Variants in GULP1 observed in about 807,000 individuals in gnomAD.
GULP1 encodes the protein PTB domain-containing engulfment adapter protein 1.
GULP1 carries 19 observed loss-of-function variants against 40.9 expected under a neutral mutation model. That is an observed-to-expected ratio of 0.46 (90% CI 0.32 to 0.68). The LOEUF (loss-of-function observed/expected upper bound fraction) is 0.68, where lower values mean the gene tolerates loss of function less well. GULP1 is among the 30% of genes least tolerant of loss of function. The pLI, the probability that GULP1 is intolerant of heterozygous loss-of-function variation, is 0.03. For missense variants in GULP1, 312 were observed against 362.2 expected (o/e 0.86, Z 1.12); for synonymous variants, 119 against 117.6 (o/e 1.01, Z -0.08).
At position 188,317,519 on chromosome 2, in the gene GULP1, CTT is replaced by C. The variant is rs372552265; in HGVS notation, c.-172+25354_-172+25355del. 1.7e-4 allele frequency among the ~76,000 whole-genome samples: 26 copies of C among 152,122 alleles called. No homozygotes were observed. The East Asian group carries it at 2.5e-3, about 15-fold the overall frequency. On this transcript the variant is annotated intron_variant, in intron 1 of 11. Coordinates refer to ENST00000409830, the MANE Select transcript of GULP1 (RefSeq NM_016315.4). ...TTGGAGTAATTACATAGATTTATCT[CTT>C]ATATCTTTACATTGTTTTATTTTTC...
At chr2:188,499,038 T>G (rs2063166481) in intron 4 of GULP1, among the ~76,000 whole-genome samples, 1 of 150,062 alleles carries the variant, frequency 6.7e-6, no homozygotes, top group Admixed American at 6.7e-5. Flanking sequence ...AATCAATGTC[T>G]GAAGTTAGAA....
intron 1 of GULP1, among the ~76,000 whole-genome samples, chr2:188,379,920 T>C (rs1408139887): frequency 6.6e-6 from 1 of 152,202 alleles, no homozygotes; most frequent in Non-Finnish European, 1.5e-5. Flanking sequence ...TGAAGGTTAA[T>C]GAGTCTTATC....
At chr2:188,592,870 AAAACC>A (rs1341298641) in intron 11 of GULP1, 1 of 152,122 alleles carries the variant, frequency 6.6e-6, no homozygotes, top group Admixed American at 6.6e-5. Flanking sequence ...AGCAGAGGTG[AAAACC>A]AATGGTTACC....
At chr2:188,365,436 A>G (rs753533525) in intron 1 of GULP1, among the ~76,000 whole-genome samples, 1 of 152,120 alleles carries the variant, frequency 6.6e-6, no homozygotes, top group Non-Finnish European at 1.5e-5. Flanking sequence ...ACTGGCTAAT[A>G]TTTGCTTATG....
intron 2 of GULP1, among the ~76,000 whole-genome samples, chr2:188,457,977 A>G (rs1009407978): frequency 6.6e-6 from 1 of 152,124 alleles, no homozygotes; most frequent in African/African-American, 2.4e-5. Flanking sequence ...TTTTCTGCCT[A>G]AACAACCCTC....
intron 4 of GULP1, among the ~76,000 whole-genome samples, chr2:188,496,116 GGAGA>G (rs2062870998): frequency 6.6e-6 from 1 of 151,994 alleles, no homozygotes; most frequent in African/African-American, 2.4e-5. Flanking sequence ...TTGCTTCCTA[GGAGA>G]TTTAGATTCA....
chr2:188,491,431 A>G (rs1443980422), intron 4 of GULP1: 1 of 152,068 alleles, frequency 6.6e-6, no homozygotes, highest in African/African-American at 2.4e-5. Flanking sequence ...TTGTTTTCTT[A>G]ACAGAGAACG....
intron 2 of GULP1, among the ~76,000 whole-genome samples, chr2:188,442,880 C>G (rs1042044249): frequency 1.3e-5 from 2 of 152,212 alleles, no homozygotes; most frequent in South Asian, 4.1e-4. Flanking sequence ...CTCAGCTTCC[C>G]CATCATAGCT....
chr2:188,496,017 C>G (rs752113589), intron 4 of GULP1, among the ~76,000 whole-genome samples: 32 of 151,890 alleles, frequency 2.1e-4, no homozygotes, highest in Non-Finnish European at 4.0e-4. Context: ...TTTGCACAAT[C>G]CCCCTCTCTT....
chr2:188,553,676 A>C (rs1559372626), intron 7 of GULP1, among the ~76,000 whole-genome samples: 1 of 151,986 alleles, frequency 6.6e-6, no homozygotes, highest in Non-Finnish European at 1.5e-5. Flanking sequence ...GGCCTTATAG[A>C]ATGAGTTAAG....
intron 1 of GULP1, among the ~76,000 whole-genome samples, chr2:188,343,811 AT>A (rs554009349): frequency 3.4e-4 from 51 of 151,918 alleles, no homozygotes; most frequent in Non-Finnish European, 6.2e-4. Context: ...TTTATTTTTT[AT>A]TTTTGAGACA....
chr2:188,352,618 T>TCACACATACACA (rs2044638024), intron 1 of GULP1, among the ~76,000 whole-genome samples: 1 of 134,406 alleles, frequency 7.4e-6, no homozygotes, highest in South Asian at 2.5e-4. Context: ...TCTCTCTCTC[T>TCACACATACACA]CACACACACA....
intron 2 of GULP1, 40 bp from the exon 3 acceptor site, chr2:188,477,619 A>G: frequency 9.8e-7 from 1 of 1,024,530 alleles, no homozygotes; most frequent in South Asian, 1.5e-5. Context: ...GTCAGTCAAC[A>G]GTCCTTTGTT....
chr2:188,579,806 A>G (rs1345944193), intron 9 of GULP1, among the ~76,000 whole-genome samples: 1 of 152,222 alleles, frequency 6.6e-6, no homozygotes, highest in Non-Finnish European at 1.5e-5. Context: ...CTATGAGAAT[A>G]CTGCAGACAC....
Position 188,585,952 on chromosome 2 carries a change from G to A in GULP1, c.748+1549G>A, listed in dbSNP as rs140913493. ...TTTTTGCTCTGCTTCCTTTTTAAAC[G>A]TAAGTTCTAATTTCAAATTATTTCT... On this transcript the variant is annotated intron_variant, in intron 10 of 11. Transcript: ENST00000409830. 6.6e-4 allele frequency among the ~76,000 whole-genome samples: 101 copies of A among 152,262 alleles called. 1 individual carries two copies. The highest frequency in any genetic ancestry group is 2.1e-3 in the African/African-American group (89 of 41,540).
rs2041208554 is a variant in GULP1 at position 188,329,232 on chromosome 2, G to T, written c.-172+37066G>T. Among the ~76,000 whole-genome samples, 4 of 151,932 alleles carry T rather than the reference G, an allele frequency of 2.6e-5. No individual in the cohort carries two copies. In the South Asian group the frequency reaches 8.3e-4, roughly 32 times the overall value. On this transcript the variant is annotated intron_variant, in intron 1 of 11. Coordinates refer to ENST00000409830, the MANE Select transcript of GULP1 (RefSeq NM_016315.4). ...TAGCACTATTATTACCATGCCAATG[G>T]TTCTATATTTTACGTTCTGGTTTTA...
In GULP1 at chr2:188,468,055, A is replaced by G. The variant is rs76057622; in HGVS notation, c.-44-9604A>G. 4.5e-3 allele frequency among the ~76,000 whole-genome samples: 690 copies of G among 152,312 alleles called. 1 individual carries two copies. Among genetic ancestry groups the G allele is most frequent in the African/African-American group, 0.011 (444 of 41,596 alleles). ...AATCAACAGCGTTTGCTTGACTTCA[A>G]TGAAACTTTTGTCTGAAAATATGTA... On this transcript the variant is annotated intron_variant, in intron 2 of 11. Transcript: ENST00000409830.
intron 7 of GULP1, among the ~76,000 whole-genome samples, chr2:188,565,183 CA>C (rs557494877): frequency 1.1e-4 from 16 of 151,300 alleles, no homozygotes; most frequent in African/African-American, 3.4e-4. Context: ...TACACATGAA[CA>C]AAAAAAGGAT....
rs577386820 is a variant in GULP1, at chr2:188,525,754, C to T, written c.162+2927C>T. On this transcript the variant is annotated intron_variant, in intron 5 of 11. Coordinates refer to ENST00000409830, the MANE Select transcript of GULP1 (RefSeq NM_016315.4). ...CGAAATTACTGCAAGAAAATGTAGC[C>T]GTTGGGAATTGCTGTCAAGTCTTGT... Among the ~76,000 whole-genome samples the T allele has an allele frequency of 4.6e-5, 7 of 152,200 alleles. No individual in the cohort carries two copies. In the East Asian group the frequency reaches 1.4e-3, roughly 29 times the overall value.
Sources: gnomAD v4.1 joint callset for allele counts (sites outside exome capture counted in the v4.1 genomes callset) on GRCh38, gnomAD v4.1.1 for gene constraint, MANE v1.5 for transcripts, NCBI Gene and HGNC (gene_info 2026-07-23, HGNC 2026-07-21) for gene names.